The following PIK3R4 variants were observed in gnomAD, a reference collection of about 807,000 sequenced individuals.
PIK3R4 encodes phosphoinositide-3-kinase regulatory subunit 4.
In PIK3R4, 46 loss-of-function variants were observed where a neutral mutation model predicts 136.5. That is an observed-to-expected ratio of 0.34 (90% CI 0.27 to 0.43). PIK3R4 has a LOEUF of 0.43. Among genes scored for constraint, PIK3R4 ranks in the 20% least tolerant of loss-of-function variants. The pLI is 1.00. For synonymous variants in PIK3R4, 557 were observed against 566.7 expected, an observed-to-expected ratio of 0.98 and a Z score of 0.24; for missense variants, 1,331 against 1,649.5, an observed-to-expected ratio of 0.81 and a Z score of 3.35.
In PIK3R4 at chr3:130,686,286, T is replaced by A. The variant is rs1166348313; in HGVS notation, c.3400A>T (p.Thr1134Ser). Residue 1134 changes from threonine (T) to serine (S), a missense_variant, in exon 15 of 20, where the codon ACT (threonine) becomes TCT (serine). By Grantham distance (58) the Thr-to-Ser change is moderately conservative. Coordinates refer to ENST00000356763, the MANE Select transcript of PIK3R4 (RefSeq NM_014602.3). ...CCCGACTTTAAATCATGCTTTAAAG[T>A]CCACGCATTGCTTGAAGACCTAAGG... ...WDLRSSSNAW[T>S]LKHDLKSGLI... 5 of 1,613,474 alleles carry A rather than the reference T, an allele frequency of 3.1e-6. No individual in the cohort carries two copies. Among genetic ancestry groups the A allele is most frequent in the Non-Finnish European group, 4.2e-6 (5 of 1,179,592 alleles).
chr3:130,707,972 G>T (rs1373721343), intron 10 of PIK3R4, among the ~76,000 whole-genome samples: 1 of 152,156 alleles, frequency 6.6e-6, no homozygotes, highest in Non-Finnish European at 1.5e-5. Context: ...GCTGGTTAAA[G>T]GGTTAAAAAA....
Position 130,744,713 on chromosome 3 carries a change from C to G in PIK3R4, c.506G>C (p.Ser169Thr). The change falls in exon 2 of 20, where the codon AGT becomes ACT. Residue 169 changes from serine (S) to threonine (T), a missense_variant. Around this residue, in one of 2 missense-constraint regions of PIK3R4, gnomAD observed 151 missense variants for 242.5 expected, o/e 0.62. Coordinates refer to ENST00000356763, the MANE Select transcript of PIK3R4 (RefSeq NM_014602.3). ...TTCTGGAAGATAAGTGGGCTTAAAA[C>G]TGGCAAAATCAGTTAGAAGAACCCA... ...WNWVLLTDFA[S>T]FKPTYLPEDN... is the part of the protein sequence containing the mutation. The G allele has an allele frequency of 6.2e-7, 1 of 1,614,218 alleles. No homozygotes were observed. The highest frequency in any genetic ancestry group is 8.5e-7 in the Non-Finnish European group (1 of 1,180,040).
chr3:130,744,953 T>C lies in PIK3R4; in HGVS notation c.266A>G (p.Lys89Arg). Residue 89 changes from lysine (K) to arginine (R), a missense_variant, in exon 2 of 20, where the codon AAA (lysine) becomes AGA (arginine). Coordinates refer to ENST00000356763, the MANE Select transcript of PIK3R4 (RefSeq NM_014602.3). ...TTTCTCAGATGCTTTTTCTGATGCT[T>C]TCTGGAAAGGTAGACAATTCTGTGC... ...NSAQNCLPFQ[K>R]ASEKASEKAA... 6.2e-7 allele frequency: 1 copy of C among 1,614,222 alleles called. No individual in the cohort carries two copies.
chr3:130,686,576 G>C (rs182827036), intron 14 of PIK3R4, among the ~76,000 whole-genome samples, 154 bp from the exon 15 acceptor site: 1 of 152,224 alleles, frequency 6.6e-6, no homozygotes, highest in East Asian at 1.9e-4. Flanking sequence ...AAAAATTCCA[G>C]ATGTAGAGAA....
At chr3:130,699,098 A>G (rs2066562331) in intron 13 of PIK3R4, among the ~76,000 whole-genome samples, 1 of 152,328 alleles carries the variant, frequency 6.6e-6, no homozygotes, top group Non-Finnish European at 1.5e-5. Flanking sequence ...ACAACTCTAC[A>G]CATACATGTG....
chr3:130,694,502 AAATT>A (rs1359128212), intron 13 of PIK3R4, among the ~76,000 whole-genome samples: 1 of 152,018 alleles, frequency 6.6e-6, no homozygotes, highest in African/African-American at 2.4e-5. Context: ...TTCTTGTGTA[AAATT>A]TATTCCCAAG....
At chr3:130,680,224 T>G (rs1208189314) in intron 19 of PIK3R4, among the ~76,000 whole-genome samples, 1 of 152,224 alleles carries the variant, frequency 6.6e-6, no homozygotes, top group Non-Finnish European at 1.5e-5. Flanking sequence ...TATTCTCACT[T>G]GAAGTTTTTG....
chr3:130,722,147 T>G (rs1246267318), intron 7 of PIK3R4, among the ~76,000 whole-genome samples: 1 of 148,824 alleles, frequency 6.7e-6, no homozygotes, highest in East Asian at 2.0e-4. Context: ...TCTAAGTTAC[T>G]AAAATTGTTT....
intron 2 of PIK3R4, among the ~76,000 whole-genome samples, chr3:130,743,572 T>C (rs1315153690): frequency 1.3e-5 from 2 of 152,186 alleles, no homozygotes; most frequent in Non-Finnish European, 2.9e-5. Context: ...TCTCCCTGTC[T>C]CAGGGACCAG....
chr3:130,703,230 C>G (rs1278168913), intron 13 of PIK3R4, among the ~76,000 whole-genome samples: 1 of 152,202 alleles, frequency 6.6e-6, no homozygotes, highest in Non-Finnish European at 1.5e-5. Context: ...CCTCTTACTC[C>G]TCCACCTCGC....
intron 7 of PIK3R4, 103 bp downstream of exon 7, chr3:130,723,311 C>A: frequency 2.1e-6 from 2 of 970,884 alleles, no homozygotes; most frequent in Non-Finnish European, 3.1e-6. Context: ...AGGAACCCCA[C>A]ACAATCAATA....
chr3:130,692,929 T>C (rs994484655), intron 13 of PIK3R4, among the ~76,000 whole-genome samples: 3 of 152,214 alleles, frequency 2.0e-5, no homozygotes, highest in Non-Finnish European at 4.4e-5. Context: ...CACCATTATC[T>C]AATTCCAGAA....
chr3:130,744,135 C>G (rs535475028), intron 2 of PIK3R4, among the ~76,000 whole-genome samples: 33 of 152,306 alleles, frequency 2.2e-4, no homozygotes, highest in African/African-American at 6.5e-4. Context: ...CCACAGCAAT[C>G]AACACCGCAT....
chr3:130,713,701 C>T (rs1430612294), intron 9 of PIK3R4, among the ~76,000 whole-genome samples: 1 of 152,148 alleles, frequency 6.6e-6, no homozygotes, highest in Non-Finnish European at 1.5e-5. Context: ...GAGATAGAGT[C>T]TTGCTCTGTC....
chr3:130,680,949 A>G lies in PIK3R4; in HGVS notation c.3797+28T>C, dbSNP rs964596356. 3.5e-6 allele frequency: 4 copies of G among 1,138,440 alleles called. No individual in the cohort carries two copies. The African/African-American group carries it at 6.2e-5, about 18-fold the overall frequency. The allele number at this position is 1,138,440 out of a possible 1,614,324, so 70.5% of individuals were successfully genotyped here. A position where few individuals can be genotyped will look rare whatever the true frequency, so the allele number is the denominator to read the frequency against. On this transcript the variant is annotated intron_variant, in intron 18 of 19. Coordinates refer to ENST00000356763, the MANE Select transcript of PIK3R4 (RefSeq NM_014602.3). ...ATAATAACAGCTTGTAAAAGTATCC[A>G]TTTTATTAAAGTATTGAGATAGTGT...
intron 16 of PIK3R4, among the ~76,000 whole-genome samples, chr3:130,682,322 T>TGAAA (rs1192970421): frequency 6.6e-6 from 1 of 151,994 alleles, no homozygotes; most frequent in African/African-American, 2.4e-5. Context: ...GCTCTGAAGA[T>TGAAA]GAAAGAAGGA....
Position 130,681,040 on chromosome 3 carries a change from A to AATC in PIK3R4, c.3733_3734insGAT (p.Ile1245delinsArgPhe). On this transcript the variant is annotated protein_altering_variant, in exon 18 of 20. Coordinates refer to ENST00000356763, the MANE Select transcript of PIK3R4 (RefSeq NM_014602.3). ...ATTTCCATCTGCAGGACTACAGTAG[A>AATC]TACCATGGACGCTATGAGGAGAAGG... The AATC allele has an allele frequency of 1.3e-6, 2 of 1,595,462 alleles. No individual in the cohort carries two copies. The highest frequency in any genetic ancestry group is 1.7e-6 in the Non-Finnish European group (2 of 1,163,198).
intron 15 of PIK3R4, 116 bp from the exon 16 acceptor site, chr3:130,684,497 G>A (rs759482574): frequency 4.4e-5 from 41 of 932,398 alleles, no homozygotes; most frequent in African/African-American, 2.8e-4. Flanking sequence ...AAATGCCTTC[G>A]TTACTTAAAA....
At chr3:130,734,660 A>G (rs1356085457) in intron 3 of PIK3R4, among the ~76,000 whole-genome samples, 3 of 152,234 alleles carry the variant, frequency 2.0e-5, no homozygotes, top group Non-Finnish European at 4.4e-5. Context: ...TCAGTGGCTT[A>G]AAGTTTTCAA....
Sources: allele counts gnomAD v4.1 joint callset (sites outside exome capture counted in the v4.1 genomes callset), GRCh38; gene constraint gnomAD v4.1.1; regional missense constraint gnomAD v4.1.1; transcripts MANE v1.5; gene names NCBI Gene and HGNC (gene_info 2026-07-23, HGNC 2026-07-21).